Variants in TENM1 observed in about 807,000 individuals in gnomAD.
TENM1 encodes the protein teneurin-1.
Under a neutral mutation model 174.8 loss-of-function variants are expected in TENM1, and 35 were observed. That is an observed-to-expected ratio of 0.20 (90% confidence interval 0.15 to 0.27). The LOEUF is 0.27. TENM1 is among the 10% of genes least tolerant of loss of function. The pLI is 1.00. For missense variants in TENM1, 1,633 were observed against 2,130.1 expected (o/e 0.77, Z 4.59); for synonymous variants, 781 against 798.7 (o/e 0.98, Z 0.37).
chrX:124,517,596 A>G (rs972776078), intron 18 of TENM1, among the ~76,000 whole-genome samples: 2 of 94,684 alleles, frequency 2.1e-5, no homozygotes, highest in Admixed American at 2.6e-4. Flanking sequence ...TCTCACTCAT[A>G]GGTGGGAATT....
At chrX:125,183,456 A>C in the TENM1 span, among the ~76,000 whole-genome samples, 1 of 112,042 alleles carries the variant, frequency 8.9e-6, no homozygotes, top group Non-Finnish European at 1.9e-5. Context: ...ATATGAACTC[A>C]ATGCTCATGA....
the TENM1 span, among the ~76,000 whole-genome samples, chrX:125,015,554 T>A: frequency 1.8e-5 from 2 of 111,805 alleles, no homozygotes; most frequent in Non-Finnish European, 3.8e-5. Flanking sequence ...ACTGATCTGC[T>A]TTTGGAAGAA....
At chrX:125,025,109 C>A in the TENM1 span, among the ~76,000 whole-genome samples, 4 of 111,692 alleles carry the variant, frequency 3.6e-5, no homozygotes, top group Admixed American at 3.8e-4. Flanking sequence ...GGAATAATCA[C>A]CTCTGAAGGG....
the TENM1 span, among the ~76,000 whole-genome samples, chrX:125,022,284 C>G: frequency 8.9e-6 from 1 of 111,804 alleles, no homozygotes; most frequent in Middle Eastern, 4.3e-3. Flanking sequence ...AGAAATATAA[C>G]CTGAACTTTA....
At chrX:125,122,490 A>G in the TENM1 span, among the ~76,000 whole-genome samples, 1 of 111,908 alleles carries the variant, frequency 8.9e-6, no homozygotes, top group East Asian at 2.8e-4. Flanking sequence ...AATTTCATTC[A>G]TTTTTAAAAT....
chrX:124,730,016 C>A (rs191986641), intron 4 of TENM1, among the ~76,000 whole-genome samples: 179 of 110,700 alleles, frequency 1.6e-3, no homozygotes, highest in African/African-American at 5.7e-3. Context: ...ATTACAGGGA[C>A]CTGCCACCAC....
chrX:124,832,171 G>A (rs2056304916), intron 3 of TENM1, among the ~76,000 whole-genome samples: 1 of 111,677 alleles, frequency 9.0e-6, no homozygotes, highest in African/African-American at 3.3e-5. Flanking sequence ...GTGGGTGTAT[G>A]TTCATAACAA....
intron 20 of TENM1, among the ~76,000 whole-genome samples, chrX:124,492,423 A>T (rs919351295): frequency 7.2e-5 from 8 of 111,760 alleles, no homozygotes; most frequent in Non-Finnish European, 9.4e-5. Flanking sequence ...TGGAAAATTT[A>T]TAAAGCAAAT....
the TENM1 span, among the ~76,000 whole-genome samples, chrX:125,047,247 CAACAT>C: frequency 9.0e-6 from 1 of 111,476 alleles, no homozygotes; most frequent in Admixed American, 9.6e-5. Flanking sequence ...TTATCCAGCA[CAACAT>C]AAGTGTTTGA....
chrX:124,394,962 C>T (rs187546023), intron 27 of TENM1, among the ~76,000 whole-genome samples: 5 of 111,697 alleles, frequency 4.5e-5, no homozygotes, highest in Admixed American at 3.8e-4. Flanking sequence ...TTTTGCTGAA[C>T]ATTTTTATAA....
In TENM1 at chrX:124,470,080, G is replaced by A. The variant is rs191730300; in HGVS notation, c.3949+11652C>T. Among the ~76,000 whole-genome samples the A allele has an allele frequency of 4.3e-3, 484 of 111,265 alleles. 2 individuals carry two copies. The highest frequency in any genetic ancestry group is 0.015 in the African/African-American group (449 of 30,628). On this transcript the variant is annotated intron_variant, in intron 22 of 31. Coordinates refer to ENST00000422452, the Ensembl canonical transcript of TENM1. Reference sequence around the variant, plus strand: ...TGTAAATGTGTTCAATCTTTTGGGAGGACAATTTGGCAATATCTACTACTG... The same window carrying A: ...TGTAAATGTGTTCAATCTTTTGGGAAGACAATTTGGCAATATCTACTACTG...
the TENM1 span, among the ~76,000 whole-genome samples, chrX:124,988,682 A>C: frequency 8.9e-6 from 1 of 111,901 alleles, no homozygotes; most frequent in Non-Finnish European, 1.9e-5. Context: ...AGTAACATAT[A>C]AAAAAGGGTA....
intron 6 of TENM1, among the ~76,000 whole-genome samples, chrX:124,654,439 C>T (rs938844494): frequency 1.8e-5 from 2 of 112,323 alleles, no homozygotes; most frequent in African/African-American, 3.2e-5. Context: ...AGAACATAGA[C>T]GATACATATG....
chrX:125,041,655 T>C, the TENM1 span, among the ~76,000 whole-genome samples: 1 of 112,278 alleles, frequency 8.9e-6, no homozygotes, highest in East Asian at 2.8e-4. Context: ...CTCTGCTTTC[T>C]AAGGAATAAA....
intron 14 of TENM1, among the ~76,000 whole-genome samples, chrX:124,560,191 TTGTGTGTGTGTGTGTGTG>T (rs375476919): frequency 0.014 from 1,205 of 88,185 alleles, 20 homozygotes; most frequent in African/African-American, 0.048. Flanking sequence ...TCTCTTCTAT[TTGTGTGTGTGTGTGTGTG>T]TGTGTGTGTG....
intron 4 of TENM1, among the ~76,000 whole-genome samples, chrX:124,729,329 A>T (rs1397128932): frequency 1.8e-5 from 2 of 112,288 alleles, no homozygotes; most frequent in Non-Finnish European, 3.8e-5. Flanking sequence ...CTCTGAGTAG[A>T]CATTTTCATA....
At chrX:125,124,632 G>A in the TENM1 span, among the ~76,000 whole-genome samples, 1 of 112,166 alleles carries the variant, frequency 8.9e-6, no homozygotes, top group Non-Finnish European at 1.9e-5. Context: ...TGTGTTTTCT[G>A]CCATCCATGA....
chrX:125,061,828 C>T, the TENM1 span, among the ~76,000 whole-genome samples: 2 of 110,655 alleles, frequency 1.8e-5, no homozygotes, highest in East Asian at 5.8e-4. Context: ...CGCTTGAACC[C>T]GGGAGGCAGA....
chrX:124,750,328 T>TG (rs1569425082), intron 3 of TENM1, among the ~76,000 whole-genome samples: 1 of 111,284 alleles, frequency 9.0e-6, no homozygotes, highest in Non-Finnish European at 1.9e-5. Flanking sequence ...TAATCATTTC[T>TG]GGGGGGAAGA....
Sources: allele counts gnomAD v4.1 joint callset (sites outside exome capture counted in the v4.1 genomes callset), GRCh38; gene constraint gnomAD v4.1.1; transcripts MANE v1.5; gene names NCBI Gene and HGNC (gene_info 2026-07-23, HGNC 2026-07-21).